SLC24A2: variants seen among roughly 807,000 people sequenced by gnomAD.
SLC24A2 encodes the protein sodium/potassium/calcium exchanger 2.
A neutral mutation model predicts 62.0 loss-of-function variants in SLC24A2; 36 were observed. That is an observed-to-expected ratio of 0.58 (90% confidence interval 0.44 to 0.77). The LOEUF (loss-of-function observed/expected upper bound fraction) is 0.77. Among genes scored for constraint, SLC24A2 ranks in the 30% least tolerant of loss-of-function variants. The pLI is 0.00. For missense variants in SLC24A2, 846 were observed against 817.9 expected (o/e 1.03, Z -0.42); for synonymous variants, 358 against 294.0 (o/e 1.22, Z -2.23).
At chr9:19,846,281 G>A in the SLC24A2 span, among the ~76,000 whole-genome samples, 1 of 152,090 alleles carries the variant, frequency 6.6e-6, no homozygotes, top group African/African-American at 2.4e-5. Context: ...TGCCAATGTT[G>A]GGTGCGCATA....
the SLC24A2 span, among the ~76,000 whole-genome samples, chr9:19,858,676 TAAAGAGCAGGCAAATGACATG>T: frequency 0.011 from 1,735 of 152,120 alleles, 40 homozygotes; most frequent in African/African-American, 0.04. Context: ...ACAGCCCCAT[TAAAGAGCAGGCAAATGACATG>T]AACAGATAAT....
At chr9:20,225,576 T>TATATATATATATATATATAA in the SLC24A2 span, among the ~76,000 whole-genome samples, 1 of 126,444 alleles carries the variant, frequency 7.9e-6, no homozygotes, top group African/African-American at 3.7e-5. Flanking sequence ...ATATATATAA[T>TATATATATATATATATATAA]TTCATTTAAA....
the SLC24A2 span, among the ~76,000 whole-genome samples, chr9:20,139,274 C>G: frequency 6.6e-6 from 1 of 152,180 alleles, no homozygotes; most frequent in African/African-American, 2.4e-5. Context: ...GTATTAAAAT[C>G]CCAGGGCTAC....
the SLC24A2 span, among the ~76,000 whole-genome samples, chr9:20,286,943 T>C: frequency 6.6e-6 from 1 of 152,146 alleles, no homozygotes; most frequent in Non-Finnish European, 1.5e-5. Flanking sequence ...TATAAGGATG[T>C]AGATGTAGAT....
At chr9:20,106,051 C>G in the SLC24A2 span, among the ~76,000 whole-genome samples, 1 of 152,194 alleles carries the variant, frequency 6.6e-6, no homozygotes, top group Non-Finnish European at 1.5e-5. Flanking sequence ...AAACTACCAT[C>G]AGAGAATACT....
chr9:19,790,530 C>CAAA (rs3086381), upstream of SLC24A2, among the ~76,000 whole-genome samples: 2,525 of 122,234 alleles, frequency 0.021, 83 homozygotes, highest in Non-Finnish European at 0.027. Flanking sequence ...ATTTGAGCAT[C>CAAA]AAAAAAAAAA....
At chr9:20,061,760 T>C in the SLC24A2 span, among the ~76,000 whole-genome samples, 2 of 152,124 alleles carry the variant, frequency 1.3e-5, no homozygotes, top group Non-Finnish European at 1.5e-5. Flanking sequence ...AGAAGATTTG[T>C]ACGGCCTTTG....
At chr9:20,227,759 C>G in the SLC24A2 span, among the ~76,000 whole-genome samples, 1 of 152,028 alleles carries the variant, frequency 6.6e-6, no homozygotes, top group East Asian at 1.9e-4. Context: ...AATGTTATTG[C>G]CTAAAGTTTT....
chr9:20,073,855 T>G, the SLC24A2 span, among the ~76,000 whole-genome samples: 1 of 139,598 alleles, frequency 7.2e-6, no homozygotes, highest in Non-Finnish European at 1.5e-5. Flanking sequence ...TGTGTGTATA[T>G]TTGTGTGTGT....
At chr9:19,877,376 T>A in the SLC24A2 span, among the ~76,000 whole-genome samples, 3 of 141,114 alleles carry the variant, frequency 2.1e-5, no homozygotes, top group African/African-American at 7.7e-5. Context: ...CTATGGAGTT[T>A]GGCTCCATAG....
chr9:19,899,135 C>T, the SLC24A2 span, among the ~76,000 whole-genome samples: 1 of 152,124 alleles, frequency 6.6e-6, no homozygotes, highest in African/African-American at 2.4e-5. Flanking sequence ...GTGTTCTCAC[C>T]CTGCTGTCTT....
intron 2 of SLC24A2, among the ~76,000 whole-genome samples, chr9:19,656,398 A>G (rs16937690): frequency 0.32 from 49,336 of 152,094 alleles, 8,399 homozygotes; most frequent in Middle Eastern, 0.4. Context: ...TTGGCCTTCA[A>G]AACTCTAGTA....
chr9:19,793,978 T>C (rs1823348934), upstream of SLC24A2, among the ~76,000 whole-genome samples: 1 of 152,230 alleles, frequency 6.6e-6, no homozygotes, highest in African/African-American at 2.4e-5. Context: ...TGGACTGATT[T>C]TGTTTGCCTT....
chr9:19,906,994 G>C, the SLC24A2 span, among the ~76,000 whole-genome samples: 56 of 152,244 alleles, frequency 3.7e-4, no homozygotes, highest in African/African-American at 1.3e-3. Flanking sequence ...GCATCATCCC[G>C]ATACCAAAGC....
rs917364370 is a variant in SLC24A2 at position 19,749,728 on chromosome 9, T to A, written c.930+36209A>T. Among the ~76,000 whole-genome samples the A allele has an allele frequency of 7.2e-5, 11 of 152,332 alleles. 1 individual carries two copies. Among genetic ancestry groups the A allele is most frequent in the African/African-American group, 2.2e-4 (9 of 41,566 alleles). ...TTACGCTAAAAAATGACTCCTTGTA[T>A]AATGAAAAACGAAACTTACCTAGCA... On this transcript the variant is annotated intron_variant, in intron 2 of 10. Coordinates refer to ENST00000341998, the MANE Select transcript of SLC24A2 (RefSeq NM_020344.4).
chr9:19,714,160 T>C (rs1349873560), intron 2 of SLC24A2, among the ~76,000 whole-genome samples: 1 of 152,248 alleles, frequency 6.6e-6, no homozygotes, highest in African/African-American at 2.4e-5. Context: ...ACTGCTATCC[T>C]TTTTAATAAT....
At chr9:19,879,011 T>C in the SLC24A2 span, among the ~76,000 whole-genome samples, 1 of 152,178 alleles carries the variant, frequency 6.6e-6, no homozygotes, top group Non-Finnish European at 1.5e-5. Context: ...TTCAAAACCA[T>C]GTACCACCAC....
chr9:20,259,932 T>C, the SLC24A2 span, among the ~76,000 whole-genome samples: 2 of 151,872 alleles, frequency 1.3e-5, no homozygotes, highest in Middle Eastern at 3.2e-3. Context: ...CTGCCAAAAA[T>C]ATGAAAATTA....
intron 2 of SLC24A2, among the ~76,000 whole-genome samples, chr9:19,654,072 GCCCTTTGTAATCCCCAACCTATGA>G (rs1818874632): frequency 6.6e-6 from 1 of 152,178 alleles, no homozygotes; most frequent in South Asian, 2.1e-4. Context: ...TTTCTCCATG[GCCCTTTGTAATCCCCAACCTATGA>G]CCCCAAGCAA....
Sources: allele counts gnomAD v4.1 joint callset (sites outside exome capture counted in the v4.1 genomes callset), GRCh38; gene constraint gnomAD v4.1.1; transcripts MANE v1.5; gene names NCBI Gene and HGNC (gene_info 2026-07-23, HGNC 2026-07-21).